The following PRR16 variants were observed in gnomAD, a reference collection of about 807,000 sequenced individuals.
The protein encoded by PRR16 is protein Largen.
Under a neutral mutation model 18.2 loss-of-function variants are expected in PRR16, and 6 were observed. That is an observed-to-expected ratio of 0.33 (90% CI 0.18 to 0.65). PRR16 has a LOEUF of 0.65. PRR16 is among the 30% of genes least tolerant of loss of function. The probability of loss-of-function intolerance (pLI) is 0.74; values close to 1 mark genes in which losing one functional copy is unlikely to be tolerated. For synonymous variants in PRR16, 151 were observed against 147.8 expected (o/e 1.02, Z -0.16); for missense variants, 412 against 376.6 (o/e 1.09, Z -0.78).
chr5:120,688,340 G>A (rs1757171494), downstream of PRR16, among the ~76,000 whole-genome samples: 1 of 152,146 alleles, frequency 6.6e-6, no homozygotes, highest in East Asian at 1.9e-4. Context: ...TGTTGGACAT[G>A]AAGATAATGA....
intron 1 of PRR16, among the ~76,000 whole-genome samples, chr5:120,672,142 C>A (rs1417034662): frequency 1.3e-5 from 2 of 152,002 alleles, no homozygotes; most frequent in Non-Finnish European, 1.5e-5. Context: ...AGCACACGGA[C>A]AGGAGCTCTA....
chr5:120,529,678 C>T (rs1226217398), intron 1 of PRR16, among the ~76,000 whole-genome samples: 1 of 152,110 alleles, frequency 6.6e-6, no homozygotes, highest in Non-Finnish European at 1.5e-5. Flanking sequence ...GGAAAAAATC[C>T]TTAAACATCC....
downstream of PRR16, among the ~76,000 whole-genome samples, chr5:120,688,686 C>T (rs140285631): frequency 2.0e-5 from 3 of 152,154 alleles, no homozygotes; most frequent in African/African-American, 4.8e-5. Flanking sequence ...TCCTCTTCCA[C>T]CAGTTACTGT....
At chr5:120,583,823 C>T (rs775741198) in intron 1 of PRR16, among the ~76,000 whole-genome samples, 146 of 152,084 alleles carry the variant, frequency 9.6e-4, no homozygotes, top group Non-Finnish European at 9.1e-4. Context: ...CCACTGGCAC[C>T]GTATCTGTAA....
chr5:120,791,272 A>T, the PRR16 span, among the ~76,000 whole-genome samples: 22 of 152,202 alleles, frequency 1.4e-4, no homozygotes, highest in African/African-American at 4.8e-4. Context: ...TGGAAGATTG[A>T]TATTTCAAGT....
At chr5:120,694,521 A>G in the PRR16 span, among the ~76,000 whole-genome samples, 1 of 151,900 alleles carries the variant, frequency 6.6e-6, no homozygotes, top group Admixed American at 6.6e-5. Flanking sequence ...CGTCTGTACT[A>G]AAAATACAAA....
At chr5:120,757,862 G>T in the PRR16 span, among the ~76,000 whole-genome samples, 1 of 151,908 alleles carries the variant, frequency 6.6e-6, no homozygotes, top group African/African-American at 2.4e-5. Flanking sequence ...ATAGAAAAAT[G>T]GAACTATAGT....
At chr5:120,714,979 G>A in the PRR16 span, among the ~76,000 whole-genome samples, 2 of 151,956 alleles carry the variant, frequency 1.3e-5, no homozygotes, top group African/African-American at 2.4e-5. Context: ...CACACACCAG[G>A]GCCTGTTGGT....
At chr5:120,474,229 A>G (rs1344274097) in intron 1 of PRR16, among the ~76,000 whole-genome samples, 2 of 152,106 alleles carry the variant, frequency 1.3e-5, no homozygotes, top group African/African-American at 4.8e-5. Context: ...TTTACCTTTA[A>G]TCACTGGCTC....
At position 120,492,740 on chromosome 5, in the gene PRR16, C is replaced by G. The variant is rs370065339; in HGVS notation, c.159+28095C>G. On this transcript the variant is annotated intron_variant, in intron 1 of 1. Transcript: ENST00000407149. ...GACATCGCCCATGAGTCCCCACAGT[C>G]CGTTATATCACTCTATATGTTTTGG... Among the ~76,000 whole-genome samples, 18 of 152,188 alleles carry G rather than the reference C, an allele frequency of 1.2e-4. No individual in the cohort carries two copies. The East Asian group carries it at 3.1e-3, about 26-fold the overall frequency.
intron 1 of PRR16, among the ~76,000 whole-genome samples, chr5:120,682,956 A>AG (rs1390233876): frequency 6.6e-6 from 1 of 152,190 alleles, no homozygotes; most frequent in Non-Finnish European, 1.5e-5. Context: ...AGAATGCAAT[A>AG]GGAAAAATTT....
At chr5:120,549,094 G>T (rs1752168002) in intron 1 of PRR16, among the ~76,000 whole-genome samples, 2 of 151,812 alleles carry the variant, frequency 1.3e-5, no homozygotes, top group South Asian at 2.1e-4. Flanking sequence ...GCCTAAACTT[G>T]CATGTTTCTC....
the PRR16 span, chr5:120,710,965 T>A: frequency 6.6e-6 from 1 of 152,092 alleles, no homozygotes; most frequent in African/African-American, 2.4e-5. Flanking sequence ...CCCCTCAGCT[T>A]CTAATGGCAG....
intron 1 of PRR16, among the ~76,000 whole-genome samples, chr5:120,564,419 C>G (rs763832515): frequency 1.3e-5 from 2 of 152,156 alleles, no homozygotes; most frequent in Non-Finnish European, 2.9e-5. Context: ...TCCCGTGAAA[C>G]TCCGACCTTC....
At chr5:120,637,439 T>C (rs898673223) in intron 1 of PRR16, among the ~76,000 whole-genome samples, 1 of 149,042 alleles carries the variant, frequency 6.7e-6, no homozygotes, top group African/African-American at 2.5e-5. Context: ...AAAGAAAATA[T>C]GGTATGTATG....
At chr5:120,674,020 CA>C (rs1389989212) in intron 1 of PRR16, among the ~76,000 whole-genome samples, 2 of 151,650 alleles carry the variant, frequency 1.3e-5, no homozygotes, top group Non-Finnish European at 2.9e-5. Flanking sequence ...ATACTTCCTA[CA>C]TTTTTTTTAT....
chr5:120,465,190 A>G (rs1749036022), intron 1 of PRR16, among the ~76,000 whole-genome samples: 1 of 151,918 alleles, frequency 6.6e-6, no homozygotes, highest in African/African-American at 2.4e-5. Context: ...AGGGAAGGCG[A>G]CCCGGGCTGC....
At chr5:120,468,252 G>A (rs1749165481) in intron 1 of PRR16, among the ~76,000 whole-genome samples, 1 of 152,084 alleles carries the variant, frequency 6.6e-6, no homozygotes, top group African/African-American at 2.4e-5. Context: ...TAACATAAAT[G>A]GATCAATACC....
intron 1 of PRR16, among the ~76,000 whole-genome samples, chr5:120,657,812 T>C (rs1010044855): frequency 1.3e-5 from 2 of 152,106 alleles, no homozygotes; most frequent in African/African-American, 4.8e-5. Flanking sequence ...TTCCCCCACC[T>C]ATTGCCTCCC....
Sources: gnomAD v4.1 joint callset for allele counts (sites outside exome capture counted in the v4.1 genomes callset) on GRCh38, gnomAD v4.1.1 for gene constraint, MANE v1.5 for transcripts, NCBI Gene and HGNC (gene_info 2026-07-23, HGNC 2026-07-21) for gene names.